Variants in GRIN2A observed in about 807,000 individuals in gnomAD.
GRIN2A encodes the protein glutamate receptor ionotropic, NMDA 2A.
GRIN2A carries 22 observed loss-of-function variants against 113.4 expected under a neutral mutation model. The ratio of observed to expected loss-of-function variants is 0.19; its 90% CI spans 0.14 to 0.28. The LOEUF is 0.28. Ranked by LOEUF, GRIN2A falls within the 10% of genes least tolerant of loss-of-function variation. The pLI is 1.00. For missense variants in GRIN2A, 1,502 were observed against 1,887.0 expected (o/e 0.80, Z 3.78); for synonymous variants, 827 against 738.4 (o/e 1.12, Z -1.94).
At chr16:10,141,210 G>A (rs1007407274) in intron 2 of GRIN2A, among the ~76,000 whole-genome samples, 3 of 151,970 alleles carry the variant, frequency 2.0e-5, no homozygotes, top group Admixed American at 6.6e-5. Context: ...TAAAAAATAG[G>A]CCAGGCACAG....
intron 2 of GRIN2A, among the ~76,000 whole-genome samples, chr16:10,085,517 C>T (rs908765689): frequency 1.3e-5 from 2 of 152,112 alleles, no homozygotes; most frequent in East Asian, 1.9e-4. Context: ...GTGTGCAGCC[C>T]CCGTAAACTG....
chr16:9,996,305 T>G (rs1185994321), intron 2 of GRIN2A, among the ~76,000 whole-genome samples: 2 of 152,108 alleles, frequency 1.3e-5, no homozygotes, highest in Non-Finnish European at 1.5e-5. Flanking sequence ...CAGACCTCAT[T>G]CTCTTCTACC....
At chr16:10,112,631 TG>T in intron 2 of GRIN2A, 1 of 768,252 alleles carries the variant, frequency 1.3e-6, no homozygotes, top group Non-Finnish European at 2.4e-6. Context: ...GCTCGCTAGA[TG>T]CCATGGAGAA....
intron 2 of GRIN2A, among the ~76,000 whole-genome samples, chr16:10,052,902 C>G (rs1404859107): frequency 6.6e-6 from 1 of 151,956 alleles, no homozygotes; most frequent in African/African-American, 2.4e-5. Context: ...ACAACAATTA[C>G]CCAGGCACAG....
chr16:10,106,821 T>C (rs746934550), intron 2 of GRIN2A, among the ~76,000 whole-genome samples: 2 of 151,958 alleles, frequency 1.3e-5, no homozygotes, highest in South Asian at 2.1e-4. Flanking sequence ...CATGGAGGGA[T>C]TCATGAAGGG....
chr16:10,076,904 C>A (rs1754467317), intron 2 of GRIN2A, among the ~76,000 whole-genome samples: 1 of 152,190 alleles, frequency 6.6e-6, no homozygotes, highest in Non-Finnish European at 1.5e-5. Context: ...TGTTACCTTA[C>A]ACAGCAAAGG....
chr16:9,992,352 A>G (rs2046133766), intron 2 of GRIN2A, among the ~76,000 whole-genome samples: 1 of 152,176 alleles, frequency 6.6e-6, no homozygotes, highest in African/African-American at 2.4e-5. Flanking sequence ...TGATGTTCCC[A>G]TGTGAAGATG....
intron 2 of GRIN2A, among the ~76,000 whole-genome samples, chr16:9,945,393 CA>C (rs747590164): frequency 2.0e-5 from 3 of 151,946 alleles, no homozygotes; most frequent in Non-Finnish European, 2.9e-5. Context: ...GAGGGTTCGT[CA>C]AGTTCAGGGA....
chr16:9,988,260 T>A (rs917507987), intron 2 of GRIN2A, among the ~76,000 whole-genome samples: 7 of 136,602 alleles, frequency 5.1e-5, no homozygotes, highest in Non-Finnish European at 7.8e-5. Context: ...AGGAAAGAGA[T>A]CCATAGGGGT....
intron 2 of GRIN2A, among the ~76,000 whole-genome samples, chr16:9,973,863 T>C (rs2045722781): frequency 6.6e-6 from 1 of 152,002 alleles, no homozygotes; most frequent in Non-Finnish European, 1.5e-5. Flanking sequence ...TCAGATAAAA[T>C]AAAACTAAGA....
intron 2 of GRIN2A, among the ~76,000 whole-genome samples, chr16:9,980,999 A>T (rs1293270838): frequency 6.6e-6 from 1 of 151,154 alleles, no homozygotes; most frequent in African/African-American, 2.4e-5. Flanking sequence ...AATAAAAAAT[A>T]AAAATAAAAT....
In GRIN2A at chr16:9,862,071, T is replaced by C. The variant is rs550013582; in HGVS notation, c.1123-12110A>G. Among the ~76,000 whole-genome samples the C allele has an allele frequency of 3.3e-5, 5 of 152,298 alleles. No individual in the cohort carries two copies. In the East Asian group the frequency reaches 9.6e-4, roughly 29 times the overall value. ...CTTTTCAACCAGCGTCCTAGAGTCATTCTGCTCCGTGTGGTCTAAGGACCC... is the reference window on the plus strand; with the variant it reads ...CTTTTCAACCAGCGTCCTAGAGTCACTCTGCTCCGTGTGGTCTAAGGACCC... On this transcript the variant is annotated intron_variant, in intron 4 of 12. Coordinates refer to ENST00000330684, the MANE Select transcript of GRIN2A (RefSeq NM_001134407.3).
intron 2 of GRIN2A, among the ~76,000 whole-genome samples, chr16:10,072,404 C>A (rs910213114): frequency 2.0e-5 from 3 of 152,356 alleles, no homozygotes; most frequent in African/African-American, 7.2e-5. Flanking sequence ...AATTTTATGG[C>A]TCCGATGCCT....
intron 2 of GRIN2A, among the ~76,000 whole-genome samples, chr16:10,051,897 A>G (rs997804585): frequency 4.6e-5 from 7 of 152,242 alleles, no homozygotes; most frequent in African/African-American, 1.7e-4. Flanking sequence ...GGTATTTTGT[A>G]AAGACTACAC....
chr16:10,067,267 C>A (rs974884391), intron 2 of GRIN2A, among the ~76,000 whole-genome samples: 1 of 152,124 alleles, frequency 6.6e-6, no homozygotes, highest in African/African-American at 2.4e-5. Context: ...TTTAAATCCA[C>A]ATAAAATACC....
At chr16:9,828,002 A>C (rs2042418644) in intron 9 of GRIN2A, among the ~76,000 whole-genome samples, 1 of 152,116 alleles carries the variant, frequency 6.6e-6, no homozygotes, top group African/African-American at 2.4e-5. Flanking sequence ...CTAGAATTTA[A>C]GTTTCTTGGG....
chr16:9,854,028 C>T (rs188506279), intron 4 of GRIN2A, among the ~76,000 whole-genome samples: 5 of 151,976 alleles, frequency 3.3e-5, no homozygotes, highest in Non-Finnish European at 5.9e-5. Context: ...CCCAGTCTAC[C>T]AGGAATTTTA....
At chr16:9,937,710 GGT>G (rs1443075038) in intron 3 of GRIN2A, 2 of 528,126 alleles carry the variant, frequency 3.8e-6, no homozygotes, top group Admixed American at 3.2e-5. Context: ...ATCAATCCCA[GGT>G]GTAGGTTTCC....
At chr16:9,813,893 G>A (rs553063014) in intron 10 of GRIN2A, among the ~76,000 whole-genome samples, 10 of 152,224 alleles carry the variant, frequency 6.6e-5, no homozygotes, top group Admixed American at 1.3e-4. Context: ...GAACCCTGAT[G>A]TCTATGCCCG....
Sources: gnomAD v4.1 joint callset for allele counts (sites outside exome capture counted in the v4.1 genomes callset) on GRCh38, gnomAD v4.1.1 for gene constraint, MANE v1.5 for transcripts, NCBI Gene and HGNC (gene_info 2026-07-23, HGNC 2026-07-21) for gene names.